Variants in GLIS3 observed in about 807,000 individuals in gnomAD.
GLIS3 encodes GLIS family zinc finger 3, also known as zinc finger protein GLIS3.
A neutral mutation model predicts 78.6 loss-of-function variants in GLIS3; 53 were observed. The observed-to-expected ratio is 0.67, with a 90% CI of 0.54 to 0.85. The LOEUF (loss-of-function observed/expected upper bound fraction) is 0.85. GLIS3 is among the 40% of genes least tolerant of loss of function. GLIS3 has a pLI of 0.00. For missense variants in GLIS3, 1,703 were observed against 1,231.1 expected (o/e 1.38, Z -5.74); for synonymous variants, 684 against 509.9 (o/e 1.34, Z -4.60).
At chr9:4,418,007 G>C in the GLIS3 span, among the ~76,000 whole-genome samples, 2 of 152,142 alleles carry the variant, frequency 1.3e-5, no homozygotes, top group African/African-American at 4.8e-5. Flanking sequence ...CCTGGCTCCT[G>C]TCCACTAAAA....
intron 2 of GLIS3, among the ~76,000 whole-genome samples, chr9:4,180,392 C>T (rs1321101294): frequency 6.6e-6 from 1 of 152,178 alleles, no homozygotes; most frequent in Non-Finnish European, 1.5e-5. Context: ...CTTCCTAGCT[C>T]AATGGGCAGG....
At chr9:3,841,077 G>A (rs1818686713) in intron 9 of GLIS3, among the ~76,000 whole-genome samples, 1 of 152,124 alleles carries the variant, frequency 6.6e-6, no homozygotes, top group South Asian at 2.1e-4. Context: ...GGAAAAAACC[G>A]AGTGAGAAGG....
intron 4 of GLIS3, among the ~76,000 whole-genome samples, chr9:3,993,422 G>C (rs1820488954): frequency 6.6e-6 from 1 of 152,070 alleles, no homozygotes; most frequent in African/African-American, 2.4e-5. Flanking sequence ...AATACTATTA[G>C]TACCAAGTCA....
chr9:4,118,032 C>A lies in GLIS3; in HGVS notation c.1446G>T (p.Leu482Phe). ...ELGPHAQQLA[L>F]PQATLDDDGE... Reference sequence around the variant, plus strand: ...CGTCGTCGTCCAGGGTGGCCTGGGGCAAGGCCAGCTGCTGGGCGTGGGGCC... The same window carrying A: ...CGTCGTCGTCCAGGGTGGCCTGGGGAAAGGCCAGCTGCTGGGCGTGGGGCC... Residue 482 changes from leucine to phenylalanine, a missense_variant, in exon 4 of 11, where the codon TTG becomes TTT. Physicochemically the swap from Leu to Phe is conservative, Grantham distance 22 (BLOSUM62 0). Transcript: ENST00000381971. This position sits in a 1 kb window ranked among gnomAD's most constrained non-coding sequence, Gnocchi z 4.7. 2 of 1,597,158 alleles carry A rather than the reference C, an allele frequency of 1.3e-6. No homozygotes were observed. The highest frequency in any genetic ancestry group is 1.7e-6 in the Non-Finnish European group (2 of 1,171,780).
At chr9:4,470,504 C>T in the GLIS3 span, among the ~76,000 whole-genome samples, 1 of 152,130 alleles carries the variant, frequency 6.6e-6, no homozygotes, top group African/African-American at 2.4e-5. Context: ...AGACAAAAGC[C>T]ACATGATTAT....
chr9:4,020,912 C>A (rs1822831989), intron 4 of GLIS3, among the ~76,000 whole-genome samples: 1 of 152,172 alleles, frequency 6.6e-6, no homozygotes, highest in Admixed American at 6.5e-5. Context: ...AAATCAACTT[C>A]CACCTGCACA....
intron 4 of GLIS3, among the ~76,000 whole-genome samples, chr9:4,044,710 T>G (rs995035542): frequency 6.6e-6 from 1 of 152,188 alleles, no homozygotes; most frequent in Admixed American, 6.5e-5. Flanking sequence ...GGGTGACTGC[T>G]CACAGTACTG....
chr9:3,842,515 G>C (rs540594078), intron 9 of GLIS3, among the ~76,000 whole-genome samples: 3 of 152,284 alleles, frequency 2.0e-5, no homozygotes, highest in African/African-American at 7.2e-5. Context: ...AAGCTAGAGA[G>C]TCTTAACCTC....
intron 1 of GLIS3, among the ~76,000 whole-genome samples, chr9:4,297,618 C>G (rs1447192389): frequency 6.6e-6 from 1 of 152,156 alleles, no homozygotes; most frequent in Non-Finnish European, 1.5e-5. Flanking sequence ...AACGGGGCCG[C>G]GACTCCACGA....
At chr9:3,913,990 A>G (rs1824321278) in intron 6 of GLIS3, among the ~76,000 whole-genome samples, 1 of 152,214 alleles carries the variant, frequency 6.6e-6, no homozygotes, top group Admixed American at 6.5e-5. Flanking sequence ...GTAGGCCCCA[A>G]AGACAAATGA....
rs143229804 is a variant in GLIS3, at chr9:4,118,026, C to T, written c.1452G>A (p.Gln484=). Residue 484 remains glutamine (Q), a synonymous_variant, in exon 4 of 11, where the codon CAG becomes CAA. Transcript: ENST00000381971. The surrounding 1 kb of genome is among the most constrained non-coding windows in gnomAD (Gnocchi z 4.7). ...TCTCCCCGTCGTCGTCCAGGGTGGC[C>T]TGGGGCAAGGCCAGCTGCTGGGCGT... ...GPHAQQLALP[Q]ATLDDDGEMD... 6.0e-4 allele frequency: 959 copies of T among 1,596,562 alleles called. 3 individuals are homozygous for T. Among genetic ancestry groups the T allele is most frequent in the Non-Finnish European group, 7.5e-4 (881 of 1,170,760 alleles).
intron 2 of GLIS3, among the ~76,000 whole-genome samples, chr9:4,316,407 C>A (rs10733510): frequency 0.85 from 128,811 of 152,238 alleles, 54,751 homozygotes; most frequent in East Asian, 0.98. Context: ...AGCTCCTACT[C>A]CTTGCTAGGG....
intron 4 of GLIS3, chr9:4,054,222 TC>T (rs1199111181): frequency 3.3e-5 from 19 of 577,408 alleles, no homozygotes; most frequent in Non-Finnish European, 3.9e-5. Context: ...CAGCAGAACA[TC>T]AGCTCTGTGA....
Position 4,292,409 on chromosome 9 carries a change from G to A in GLIS3, c.-98-5886C>T, listed in dbSNP as rs554335998. ...AAAAATATATTGTAGGGTGAGTCAC[G>A]GCCAAAACAGTATAAAAGTCACTGT... On this transcript the variant is annotated intron_variant, in intron 1 of 10. Coordinates refer to ENST00000381971, the MANE Select transcript of GLIS3 (RefSeq NM_001042413.2). Among the ~76,000 whole-genome samples, 5 of 152,094 alleles carry A rather than the reference G, an allele frequency of 3.3e-5. No homozygotes were observed. The South Asian group carries it at 8.3e-4, about 25-fold the overall frequency.
At chr9:3,841,762 G>T (rs1206200143) in intron 9 of GLIS3, among the ~76,000 whole-genome samples, 1 of 152,200 alleles carries the variant, frequency 6.6e-6, no homozygotes, top group African/African-American at 2.4e-5. Context: ...CTACTGGGTG[G>T]CTGCAAGGAT....
chr9:4,275,784 G>GTAAA lies in GLIS3; in HGVS notation c.388+10250_388+10253dup, dbSNP rs1402434929. Among the ~76,000 whole-genome samples, 150 of 152,010 alleles carry GTAAA rather than the reference G, an allele frequency of 9.9e-4. 1 individual carries two copies. The highest frequency in any genetic ancestry group is 3.3e-3 in the African/African-American group (138 of 41,470). ...TCTCTATAAATAAATAAGCAAGTAA[G>GTAAA]TAAATAAATAAATAAATATTTTTAA... On this transcript the variant is annotated intron_variant, in intron 2 of 10. Coordinates refer to ENST00000381971, the MANE Select transcript of GLIS3 (RefSeq NM_001042413.2).
At chr9:4,013,277 T>C (rs1233260377) in intron 4 of GLIS3, among the ~76,000 whole-genome samples, 2 of 152,188 alleles carry the variant, frequency 1.3e-5, no homozygotes, top group South Asian at 2.1e-4. Context: ...TGACAGACTT[T>C]TAGACAGCCT....
intron 4 of GLIS3, among the ~76,000 whole-genome samples, chr9:3,975,732 G>A (rs900691452): frequency 5.9e-5 from 9 of 151,930 alleles, no homozygotes; most frequent in Admixed American, 3.9e-4. Flanking sequence ...TTTGTCCATC[G>A]TGACAAGTCT....
chr9:4,368,257 A>T, the GLIS3 span, among the ~76,000 whole-genome samples: 1 of 152,096 alleles, frequency 6.6e-6, no homozygotes, highest in African/African-American at 2.4e-5. Context: ...CTTACTATGG[A>T]GCTTTCTCAG....
Sources: gnomAD v4.1 joint callset for allele counts (sites outside exome capture counted in the v4.1 genomes callset) on GRCh38, gnomAD v4.1.1 for gene constraint, Gnocchi (gnomAD v3.1) non-coding constraint, MANE v1.5 for transcripts, NCBI Gene and HGNC (gene_info 2026-07-23, HGNC 2026-07-21) for gene names.